GPNMB: variants seen among roughly 807,000 people sequenced by gnomAD.
The protein encoded by GPNMB is glycoprotein nmb, also known as transmembrane glycoprotein NMB.
GPNMB carries 71 observed loss-of-function variants against 57.3 expected under a neutral mutation model. That is an observed-to-expected ratio of 1.24 (90% CI 1.02 to 1.51). The LOEUF is 1.51. GPNMB is among the 40% of genes most tolerant of loss of function. GPNMB has a pLI of 0.00. For synonymous variants in GPNMB, 253 were observed against 263.2 expected, an observed-to-expected ratio of 0.96 and a Z score of 0.38; for missense variants, 677 against 691.9, an observed-to-expected ratio of 0.98 and a Z score of 0.24.
intron 5 of GPNMB, 115 bp downstream of exon 5, chr7:23,260,253 C>G: frequency 8.8e-7 from 1 of 1,141,076 alleles, no homozygotes; most frequent in South Asian, 1.5e-5. Flanking sequence ...TCTGGCCCAC[C>G]TAAGCTTGTG....
At chr7:23,251,335 A>G (rs183545129) in intron 1 of GPNMB, among the ~76,000 whole-genome samples, 6 of 152,342 alleles carry the variant, frequency 3.9e-5, no homozygotes, top group South Asian at 2.1e-4. Flanking sequence ...CCAGGATTTA[A>G]GAGAAGAACA....
In GPNMB at chr7:23,248,786, T is replaced by C. The variant is rs535824973; in HGVS notation, c.70+1859T>C. ...TCTGCTTACTATTGGGTTTTTTTTT[T>C]TTTAATCAATTTTTTTAGAGACAGG... On this transcript the variant is annotated intron_variant, in intron 1 of 10. Coordinates refer to ENST00000258733, the MANE Select transcript of GPNMB (RefSeq NM_002510.3). 7.3e-4 allele frequency among the ~76,000 whole-genome samples: 111 copies of C among 152,124 alleles called. 2 individuals are homozygous for C. Among genetic ancestry groups the C allele is most frequent in the Middle Eastern group, 6.8e-3 (2 of 294 alleles).
chr7:23,250,419 G>A (rs1782634424), intron 1 of GPNMB, among the ~76,000 whole-genome samples: 1 of 151,784 alleles, frequency 6.6e-6, no homozygotes, highest in African/African-American at 2.4e-5. Context: ...CCCTCCATTG[G>A]CTTGTTTTTG....
At chr7:23,270,589 AG>A (rs2128485430) in intron 9 of GPNMB, among the ~76,000 whole-genome samples, 1 of 152,346 alleles carries the variant, frequency 6.6e-6, no homozygotes, top group South Asian at 2.1e-4. Context: ...ACCTGAGCAA[AG>A]ATATGAAGCC....
chr7:23,261,769 T>G (rs1332800388), intron 6 of GPNMB, among the ~76,000 whole-genome samples: 1 of 152,004 alleles, frequency 6.6e-6, no homozygotes, highest in Admixed American at 6.6e-5. Flanking sequence ...ACCCTAGAAC[T>G]TAAAGTAAAA....
chr7:23,262,431 A>T (rs1333420500), intron 6 of GPNMB, among the ~76,000 whole-genome samples: 2 of 152,032 alleles, frequency 1.3e-5, no homozygotes, highest in Non-Finnish European at 2.9e-5. Flanking sequence ...TGGTTGTGTA[A>T]ATGGGTTCAT....
intron 3 of GPNMB, among the ~76,000 whole-genome samples, chr7:23,255,199 AG>A (rs1479154335): frequency 1.3e-5 from 2 of 152,114 alleles, no homozygotes; most frequent in Non-Finnish European, 2.9e-5. Flanking sequence ...TTGTATTTTT[AG>A]TACAGACGGG....
Position 23,246,810 on chromosome 7 carries a change from AG to A in GPNMB, c.-46del. On this transcript the variant is annotated 5_prime_UTR_variant, in exon 1 of 11. Coordinates refer to ENST00000258733, the MANE Select transcript of GPNMB (RefSeq NM_002510.3). ...TGTTGCTCTTGGTGGACGGGCCCAG[AG>A]GAATTCAGAGTTAAACCTTGAGTGC... is the stretch of plus-strand genomic sequence containing the variant. The A allele has an allele frequency of 7.3e-7, 1 of 1,363,638 alleles. No homozygotes were observed. The highest frequency in any genetic ancestry group is 1.1e-6 in the Non-Finnish European group (1 of 951,532). 84.5% of individuals were successfully genotyped at this position (1,363,638 alleles called of 1,614,324 possible).
intron 8 of GPNMB, 107 bp from the exon 9 acceptor site, chr7:23,269,860 T>G (rs1783155781): frequency 1.3e-6 from 1 of 756,752 alleles, no homozygotes; most frequent in Admixed American, 2.0e-5. Flanking sequence ...TGAGGTGGAA[T>G]TCAATTTCAT....
intron 3 of GPNMB, among the ~76,000 whole-genome samples, chr7:23,256,578 A>C (rs969369943): frequency 6.6e-6 from 1 of 152,248 alleles, no homozygotes; most frequent in Non-Finnish European, 1.5e-5. Flanking sequence ...AAAAAGATAA[A>C]GTATCTCTGA....
At chr7:23,253,814 G>A (rs1483677867) in intron 2 of GPNMB, among the ~76,000 whole-genome samples, 1 of 152,124 alleles carries the variant, frequency 6.6e-6, no homozygotes, top group Non-Finnish European at 1.5e-5. Context: ...ATCAGAAACG[G>A]AAAATCTTTC....
At chr7:23,260,865 TATTG>T in intron 6 of GPNMB, 92 bp downstream of exon 6, 2 of 1,031,676 alleles carry the variant, frequency 1.9e-6, no homozygotes, top group Non-Finnish European at 2.8e-6. Flanking sequence ...CTTAAGGGGA[TATTG>T]TAAGGACTCT....
chr7:23,270,124 G>C lies in GPNMB; in HGVS notation c.1378G>C (p.Asp460His). 1.2e-6 allele frequency: 2 copies of C among 1,614,152 alleles called. No individual in the cohort carries two copies. Among genetic ancestry groups the C allele is most frequent in the Admixed American group, 1.7e-5 (1 of 60,018 alleles). The change falls in exon 9 of 11, where the codon GAT becomes CAT. Residue 460 changes from aspartate (D) to histidine (H), a missense_variant. Coordinates refer to ENST00000258733, the MANE Select transcript of GPNMB (RefSeq NM_002510.3). ...GTYCVNLTLG[D>H]DTSLALTSTL... ...GTACTGTGTGAACCTCACCCTGGGGGATGACACAAGCCTGGCTCTCACGAG... is the reference window on the plus strand; with the variant it reads ...GTACTGTGTGAACCTCACCCTGGGGCATGACACAAGCCTGGCTCTCACGAG...
chr7:23,260,031 C>T lies in GPNMB; in HGVS notation c.593C>T (p.Thr198Ile), dbSNP rs759983545. 3 of 1,614,044 alleles carry T rather than the reference C, an allele frequency of 1.9e-6. No individual in the cohort carries two copies. The highest frequency in any genetic ancestry group is 2.2e-5 in the East Asian group (1 of 44,882). ...TGTTCAGTGAGAGTTTCTGTGAACA[C>T]AGCCAATGTGACACTTGGGCCTCAA... The part of the protein sequence containing the change: ...GRCSVRVSVN[T>I]ANVTLGPQLM... The change falls in exon 5 of 11, where the codon ACA becomes ATA. Residue 198 changes from threonine to isoleucine, a missense_variant. Coordinates refer to ENST00000258733, the MANE Select transcript of GPNMB (RefSeq NM_002510.3).
At chr7:23,251,731 A>G (rs1485723209) in intron 1 of GPNMB, among the ~76,000 whole-genome samples, 1 of 152,232 alleles carries the variant, frequency 6.6e-6, no homozygotes, top group Non-Finnish European at 1.5e-5. Flanking sequence ...ATCTCTTGTT[A>G]TAAAGGAGGA....
At chr7:23,255,049 T>C (rs858274) in intron 3 of GPNMB, among the ~76,000 whole-genome samples, 80,656 of 152,054 alleles carry the variant, frequency 0.53, 24,879 homozygotes, top group African/African-American at 0.87. Context: ...GATGGAGTCT[T>C]GCCTTGTCAC....
chr7:23,259,930 TA>T, intron 4 of GPNMB, 49 bp from the exon 5 acceptor site: 1 of 1,568,486 alleles, frequency 6.4e-7, no homozygotes, highest in Non-Finnish European at 8.8e-7. Flanking sequence ...CAGCTTCCTA[TA>T]ATGATGATAT....
chr7:23,269,984 G>A lies in GPNMB; in HGVS notation c.1238G>A (p.Cys413Tyr), dbSNP rs772286103. The A allele has an allele frequency of 1.5e-5, 25 of 1,613,888 alleles. No homozygotes were observed. Among genetic ancestry groups the A allele is most frequent in the Non-Finnish European group, 2.0e-5 (24 of 1,179,962 alleles). The change falls in exon 9 of 11, where the codon TGT becomes TAT. Residue 413 changes from cysteine to tyrosine, a missense_variant. By Grantham distance (194) the Cys-to-Tyr change is radical. Coordinates refer to ENST00000258733, the MANE Select transcript of GPNMB (RefSeq NM_002510.3). ...TCQGSIPTEV[C>Y]TIISDPTCEI... ...TGTCGCAGCATTCCCACGGAGGTCT[G>A]TACCATCATTTCTGACCCCACCTGC...
rs140352180 is a variant in GPNMB at position 23,260,003 on chromosome 7, C to A, written c.565C>A (p.Arg189=). Residue 189 remains arginine (R), a synonymous_variant, in exon 5 of 11, where the codon CGA becomes AGA. Transcript: ENST00000258733. ...AGGTCAGTATTTCCAGAAATTGGGA[C>A]GATGTTCAGTGAGAGTTTCTGTGAA... is the stretch of plus-strand genomic sequence containing the variant. ...TLGQYFQKLG[R]CSVRVSVNTA... The A allele has an allele frequency of 9.9e-6, 16 of 1,614,054 alleles. No individual in the cohort carries two copies. The highest frequency in any genetic ancestry group is 1.4e-5 in the Non-Finnish European group (16 of 1,179,962).
Sources: allele counts gnomAD v4.1 joint callset (sites outside exome capture counted in the v4.1 genomes callset), GRCh38; gene constraint gnomAD v4.1.1; transcripts MANE v1.5; gene names NCBI Gene and HGNC (gene_info 2026-07-23, HGNC 2026-07-21).